The following SNTB2 variants were observed in gnomAD, a reference collection of about 807,000 sequenced individuals.
The protein encoded by SNTB2 is beta-2-syntrophin.
Under a neutral mutation model 46.2 loss-of-function variants are expected in SNTB2, and 34 were observed. That is an observed-to-expected ratio of 0.74 (90% CI 0.56 to 0.98). SNTB2 has a LOEUF of 0.98. SNTB2 is among the 50% of genes least tolerant of loss of function. The pLI is 0.00. For missense variants in SNTB2, 603 were observed against 731.4 expected, an observed-to-expected ratio of 0.82 and a Z score of 2.02; for synonymous variants, 290 against 312.6, an observed-to-expected ratio of 0.93 and a Z score of 0.76.
intron 1 of SNTB2, among the ~76,000 whole-genome samples, chr16:69,228,721 A>G (rs968905925): frequency 6.6e-6 from 1 of 152,092 alleles, no homozygotes; most frequent in Non-Finnish European, 1.5e-5. Flanking sequence ...ATATGTATAC[A>G]TACACACTAA....
At chr16:69,269,643 A>T (rs1251761884) in intron 3 of SNTB2, among the ~76,000 whole-genome samples, 5 of 152,232 alleles carry the variant, frequency 3.3e-5, no homozygotes, top group Non-Finnish European at 7.3e-5. Context: ...CTATTATTGT[A>T]AGTCTTGATC....
In SNTB2 at chr16:69,192,962, T is replaced by G. The variant is rs1964068915; in HGVS notation, c.580+5216T>G. Reference sequence around the variant, plus strand: ...TTTTTGCTTTGGTTTTTCTACATTTTTCTTTTTGCTGTGTTCGGACCCTCT... The same window carrying G: ...TTTTTGCTTTGGTTTTTCTACATTTGTCTTTTTGCTGTGTTCGGACCCTCT... On this transcript the variant is annotated intron_variant, in intron 1 of 6. Coordinates refer to ENST00000336278, the MANE Select transcript of SNTB2 (RefSeq NM_006750.4). Among the ~76,000 whole-genome samples, 4 of 152,232 alleles carry G rather than the reference T, an allele frequency of 2.6e-5. No individual in the cohort carries two copies. In the South Asian group the frequency reaches 8.3e-4, roughly 32 times the overall value.
At chr16:69,282,353 G>C (rs74600256) in intron 4 of SNTB2, among the ~76,000 whole-genome samples, 6 of 150,050 alleles carry the variant, frequency 4.0e-5, no homozygotes, top group African/African-American at 1.5e-4. Context: ...CACCACTCCC[G>C]GCTTGAATCA....
chr16:69,300,505 C>T (rs1965268889), intron 6 of SNTB2, among the ~76,000 whole-genome samples: 1 of 152,144 alleles, frequency 6.6e-6, no homozygotes, highest in Non-Finnish European at 1.5e-5. Flanking sequence ...CCGCCTCAGC[C>T]TCCCAAAGTG....
At chr16:69,265,475 A>G (rs1442100875) in intron 3 of SNTB2, among the ~76,000 whole-genome samples, 4 of 152,202 alleles carry the variant, frequency 2.6e-5, no homozygotes, top group African/African-American at 9.6e-5. Context: ...GATTTGGGAA[A>G]TGAATAATAA....
intron 6 of SNTB2, among the ~76,000 whole-genome samples, 185 bp from the exon 7 acceptor site, chr16:69,300,647 C>T (rs1416257795): frequency 2.0e-5 from 3 of 152,250 alleles, no homozygotes; most frequent in Non-Finnish European, 4.4e-5. Flanking sequence ...TGAAACCTCA[C>T]ACCAGTATTA....
intron 4 of SNTB2, among the ~76,000 whole-genome samples, chr16:69,281,485 G>T (rs868641056): frequency 1.3e-3 from 175 of 135,832 alleles, no homozygotes; most frequent in African/African-American, 4.0e-3. Context: ...GTAAGGTCTG[G>T]TTTTTTTTTT....
At chr16:69,269,093 C>T (rs748192175) in intron 3 of SNTB2, among the ~76,000 whole-genome samples, 3 of 150,670 alleles carry the variant, frequency 2.0e-5, no homozygotes, top group African/African-American at 4.9e-5. Flanking sequence ...CACTTGAACC[C>T]GGGAGGCTGA....
chr16:69,210,410 T>A (rs1964271288), intron 1 of SNTB2, among the ~76,000 whole-genome samples: 1 of 151,904 alleles, frequency 6.6e-6, no homozygotes, highest in African/African-American at 2.4e-5. Flanking sequence ...GATAATTTTT[T>A]GTATTTTAAT....
chr16:69,250,088 T>A (rs9929748), intron 2 of SNTB2, among the ~76,000 whole-genome samples: 16,978 of 152,088 alleles, frequency 0.11, 1,191 homozygotes, highest in Middle Eastern at 0.22. Flanking sequence ...CAAAAAAAAA[T>A]TTTTAAAAAT....
intron 1 of SNTB2, among the ~76,000 whole-genome samples, chr16:69,229,084 A>G (rs974991939): frequency 1.3e-5 from 2 of 152,196 alleles, no homozygotes; most frequent in Admixed American, 6.5e-5. Context: ...GTATTTATTA[A>G]AGAGTGACTC....
At chr16:69,234,891 C>T (rs1379586468) in intron 1 of SNTB2, among the ~76,000 whole-genome samples, 8 of 151,444 alleles carry the variant, frequency 5.3e-5, no homozygotes, top group African/African-American at 1.9e-4. Flanking sequence ...TTAGTAGAGA[C>T]GGGGTTTCAC....
At chr16:69,271,258 G>A (rs1964934669) in intron 4 of SNTB2, among the ~76,000 whole-genome samples, 1 of 152,118 alleles carries the variant, frequency 6.6e-6, no homozygotes, top group African/African-American at 2.4e-5. Context: ...ATCACAGAAT[G>A]AAGTAAAGGA....
At chr16:69,287,114 C>T (rs1384868432) in intron 5 of SNTB2, among the ~76,000 whole-genome samples, 2 of 152,156 alleles carry the variant, frequency 1.3e-5, no homozygotes, top group African/African-American at 2.4e-5. Flanking sequence ...AGGTTGGTTT[C>T]TTTCCATTGT....
At chr16:69,202,656 A>G (rs2152290235) in intron 1 of SNTB2, among the ~76,000 whole-genome samples, 1 of 152,174 alleles carries the variant, frequency 6.6e-6, no homozygotes, top group Middle Eastern at 3.4e-3. Flanking sequence ...GTTCACTGCA[A>G]CCTCTGCCTC....
At position 69,245,597 on chromosome 16, in the gene SNTB2, C is replaced by T. The variant is rs370331628; in HGVS notation, c.581-5C>T. 1.9e-6 allele frequency: 3 copies of T among 1,611,444 alleles called. No homozygotes were observed. In the African/African-American group the frequency reaches 4.0e-5, roughly 22 times the overall value. On this transcript the variant is annotated splice_region_variant and splice_polypyrimidine_tract_variant and intron_variant, in intron 1 of 6. Coordinates refer to ENST00000336278, the MANE Select transcript of SNTB2 (RefSeq NM_006750.4). ...AACCTTCTTCTTTGATTTTTTTGTT[C>T]ATAGTCAAGTTCATCCGAGAAGTAA... is the stretch of plus-strand genomic sequence containing the variant.
rs58387978 is a variant in SNTB2, at chr16:69,259,236, ATTTTTTTTTTT to A, written c.795-796_795-786del. 5.1e-3 allele frequency among the ~76,000 whole-genome samples: 350 copies of A among 69,172 alleles called. 2 individuals carry two copies. Among genetic ancestry groups the A allele is most frequent in the African/African-American group, 0.019 (325 of 17,428 alleles). 45.4% of individuals were successfully genotyped at this position (69,172 alleles called of 152,430 possible). ...TAACTAGCCCAAGTTGGTCTTTCTGATTTTTTTTTTTTTTTTTTTTTTTTTTTTGAGACAGA... is the reference window on the plus strand; with the variant it reads ...TAACTAGCCCAAGTTGGTCTTTCTGATTTTTTTTTTTTTTTTTGAGACAGA... On this transcript the variant is annotated intron_variant, in intron 2 of 6. Transcript: ENST00000336278.
chr16:69,288,757 T>C (rs1242174616), intron 5 of SNTB2, among the ~76,000 whole-genome samples: 1 of 152,234 alleles, frequency 6.6e-6, no homozygotes, highest in East Asian at 1.9e-4. Flanking sequence ...ATTGCTGCAC[T>C]ATTCACAATA....
intron 1 of SNTB2, among the ~76,000 whole-genome samples, chr16:69,199,125 C>T (rs1964135513): frequency 6.6e-6 from 1 of 151,982 alleles, no homozygotes; most frequent in Admixed American, 6.6e-5. Flanking sequence ...GAACTCCTGA[C>T]TTCAGGTGAT....
Sources: gnomAD v4.1 joint callset for allele counts (sites outside exome capture counted in the v4.1 genomes callset) on GRCh38, gnomAD v4.1.1 for gene constraint, MANE v1.5 for transcripts, NCBI Gene and HGNC (gene_info 2026-07-23, HGNC 2026-07-21) for gene names.